Variants in PALLD observed in about 807,000 individuals in gnomAD.
PALLD encodes palladin.
A neutral mutation model predicts 123.5 loss-of-function variants in PALLD; 61 were observed. The observed-to-expected ratio is 0.49, with a 90% CI of 0.40 to 0.61. The LOEUF (loss-of-function observed/expected upper bound fraction) is 0.61. Among genes scored for constraint, PALLD ranks in the 20% least tolerant of loss-of-function variants. The probability of loss-of-function intolerance (pLI) is 0.00; values close to 1 mark genes in which losing one functional copy is unlikely to be tolerated. For missense variants in PALLD, 1,273 were observed against 1,377.0 expected (o/e 0.92, Z 1.20); for synonymous variants, 465 against 496.4 (o/e 0.94, Z 0.84).
intron 2 of PALLD, among the ~76,000 whole-genome samples, chr4:168,647,161 A>G (rs1194822466): frequency 6.6e-6 from 1 of 152,222 alleles, no homozygotes; most frequent in East Asian, 1.9e-4. Context: ...GGGATCAAAC[A>G]TTTCAGCAGC....
rs1561439264 is a variant in PALLD, at chr4:168,715,660, G to C, written c.1964+3737G>C. On this transcript the variant is annotated intron_variant, in intron 10 of 21. Transcript: ENST00000505667. Reference sequence around the variant, plus strand: ...TTCTCTTTATTCCTACCAAAAAAACGGTCCTTCAGCCAGGGCGCGGTGGCT... The same window carrying C: ...TTCTCTTTATTCCTACCAAAAAAACCGTCCTTCAGCCAGGGCGCGGTGGCT... Among the ~76,000 whole-genome samples the C allele has an allele frequency of 2.0e-5, 3 of 152,102 alleles. No individual in the cohort carries two copies. In the South Asian group the frequency reaches 6.2e-4, roughly 31 times the overall value.
At chr4:168,915,124 T>C (rs1260586160) in intron 16 of PALLD, among the ~76,000 whole-genome samples, 1 of 152,158 alleles carries the variant, frequency 6.6e-6, no homozygotes, top group Non-Finnish European at 1.5e-5. Context: ...TAGAGAAGGG[T>C]AAACTATATT....
At chr4:168,674,619 A>G (rs1780647334) in intron 3 of PALLD, among the ~76,000 whole-genome samples, 1 of 152,186 alleles carries the variant, frequency 6.6e-6, no homozygotes, top group South Asian at 2.1e-4. Context: ...GATGCGGGCC[A>G]GGAGAAAACC....
At chr4:168,756,680 T>C (rs565546880) in intron 10 of PALLD, among the ~76,000 whole-genome samples, 61 of 152,284 alleles carry the variant, frequency 4.0e-4, no homozygotes, top group African/African-American at 1.4e-3. Flanking sequence ...GAGAGATCTG[T>C]GGCCAGGTTA....
At chr4:168,521,781 G>A (rs1229488329) in intron 2 of PALLD, among the ~76,000 whole-genome samples, 1 of 152,186 alleles carries the variant, frequency 6.6e-6, no homozygotes, top group Non-Finnish European at 1.5e-5. Context: ...ACTATTTGTT[G>A]AGTCCTAGAT....
intron 2 of PALLD, among the ~76,000 whole-genome samples, chr4:168,523,483 A>G (rs1249361629): frequency 6.6e-6 from 1 of 152,208 alleles, no homozygotes; most frequent in Admixed American, 6.5e-5. Flanking sequence ...GAGATGAGAA[A>G]GAAAATGTTT....
At chr4:168,657,071 C>A (rs1403658113) in intron 2 of PALLD, among the ~76,000 whole-genome samples, 4 of 152,172 alleles carry the variant, frequency 2.6e-5, no homozygotes, top group African/African-American at 9.7e-5. Context: ...ATGTCACCAC[C>A]ATAGAGCCAG....
intron 15 of PALLD, among the ~76,000 whole-genome samples, chr4:168,912,009 G>A (rs573106153): frequency 1.7e-4 from 26 of 151,990 alleles, no homozygotes; most frequent in African/African-American, 5.8e-4. Context: ...GGTGGTTATA[G>A]CCCTAAAGAA....
At chr4:168,743,018 C>T (rs749440438) in intron 10 of PALLD, among the ~76,000 whole-genome samples, 26 of 152,086 alleles carry the variant, frequency 1.7e-4, no homozygotes, top group Non-Finnish European at 2.6e-4. Context: ...TTAGTTTAAA[C>T]GCCATTCTCT....
chr4:168,867,300 A>C (rs1022286070), intron 10 of PALLD, among the ~76,000 whole-genome samples: 2 of 152,208 alleles, frequency 1.3e-5, no homozygotes, highest in African/African-American at 2.4e-5. Context: ...TGGTGCTGGC[A>C]GTAGTAGTAG....
chr4:168,625,526 G>GATA (rs1775180180), intron 2 of PALLD, among the ~76,000 whole-genome samples: 3 of 93,304 alleles, frequency 3.2e-5, no homozygotes, highest in South Asian at 2.5e-4. Context: ...TATCCTATAA[G>GATA]GGGTTAATAT....
At chr4:168,749,583 A>G (rs1730764305) in intron 10 of PALLD, among the ~76,000 whole-genome samples, 1 of 152,106 alleles carries the variant, frequency 6.6e-6, no homozygotes. Flanking sequence ...GGGCACCTGT[A>G]ATCCCAGATA....
rs999102963 is a variant in PALLD at position 168,869,830 on chromosome 4, G to A, written c.1965-21092G>A. Among the ~76,000 whole-genome samples, 1 of 152,172 alleles carries A rather than the reference G, an allele frequency of 6.6e-6. No individual in the cohort carries two copies. Among genetic ancestry groups the A allele is most frequent in the African/African-American group, 2.4e-5 (1 of 41,456 alleles). ...GTTAGAGAGATCAGGGAGTGAGAGT[G>A]ATGCAGCTGACTGACTCCTTGTGCA... On this transcript the variant is annotated intron_variant, in intron 10 of 21. Transcript: ENST00000505667. The surrounding 1 kb of genome is among the most constrained non-coding windows in gnomAD (Gnocchi z 4.5).
chr4:168,843,397 TTA>T (rs1746333032), intron 10 of PALLD, among the ~76,000 whole-genome samples: 1 of 152,190 alleles, frequency 6.6e-6, no homozygotes, highest in Non-Finnish European at 1.5e-5. Context: ...TATTTTAAAT[TTA>T]TGTTTGACAT....
intron 2 of PALLD, among the ~76,000 whole-genome samples, chr4:168,659,914 G>T (rs1778967766): frequency 6.6e-6 from 1 of 152,200 alleles, no homozygotes; most frequent in Non-Finnish European, 1.5e-5. Context: ...TAGTCAACTT[G>T]TAAGCCAAGC....
In PALLD at chr4:168,788,637, A is replaced by C. The variant is rs1386833581; in HGVS notation, c.1964+76714A>C. Among the ~76,000 whole-genome samples the C allele has an allele frequency of 2.0e-5, 3 of 152,222 alleles. No homozygotes were observed. In the East Asian group the frequency reaches 5.8e-4, roughly 29 times the overall value. ...AAACTGTGGACTTTGGGTGATAATC[A>C]TGTGTCATGAGGGTCATCAGTTCTA... On this transcript the variant is annotated intron_variant, in intron 10 of 21. Transcript: ENST00000505667.
At chr4:168,598,453 A>G (rs556421642) in intron 2 of PALLD, 72 of 615,552 alleles carry the variant, frequency 1.2e-4, no homozygotes, top group Non-Finnish European at 2.2e-4. Flanking sequence ...CTTCTGCATG[A>G]CTGGTAACTG....
intron 13 of PALLD, 146 bp from the exon 14 acceptor site, chr4:168,898,347 A>T: frequency 2.6e-5 from 18 of 679,554 alleles, no homozygotes; most frequent in Middle Eastern, 7.8e-4. Flanking sequence ...TTTGTTTCAT[A>T]TGCAATTGAA....
At chr4:168,691,734 C>T (rs1280332596) in intron 8 of PALLD, among the ~76,000 whole-genome samples, 1 of 152,046 alleles carries the variant, frequency 6.6e-6, no homozygotes, top group African/African-American at 2.4e-5. Context: ...GCAAAATGGA[C>T]CCCCAGGTGT....
Sources: gnomAD v4.1 joint callset for allele counts (sites outside exome capture counted in the v4.1 genomes callset) on GRCh38, gnomAD v4.1.1 for gene constraint, Gnocchi (gnomAD v3.1) non-coding constraint, MANE v1.5 for transcripts, NCBI Gene and HGNC (gene_info 2026-07-23, HGNC 2026-07-21) for gene names.